The following PTPRE variants were observed in gnomAD, a reference collection of about 807,000 sequenced individuals.
The protein encoded by PTPRE is receptor-type tyrosine-protein phosphatase epsilon.
Under a neutral mutation model 102.0 loss-of-function variants are expected in PTPRE, and 51 were observed. The observed-to-expected ratio is 0.50, with a 90% CI of 0.40 to 0.63. The LOEUF is 0.63. Among genes scored for constraint, PTPRE ranks in the 30% least tolerant of loss-of-function variants. The pLI is 0.00. For missense variants in PTPRE, 752 were observed against 915.1 expected (o/e 0.82, Z 2.30); for synonymous variants, 345 against 348.2 (o/e 0.99, Z 0.10).
intron 2 of PTPRE, among the ~76,000 whole-genome samples, chr10:128,017,444 TTC>T (rs1845528887): frequency 6.6e-6 from 1 of 152,124 alleles, no homozygotes; most frequent in African/African-American, 2.4e-5. Flanking sequence ...AGAATTTTTT[TTC>T]TTTCTCACAG....
At position 127,971,620 on chromosome 10, in the gene PTPRE, C is replaced by A. The variant is rs560497318; in HGVS notation, c.-30-10654C>A. Among the ~76,000 whole-genome samples the A allele has an allele frequency of 5.3e-5, 8 of 152,364 alleles. No homozygotes were observed. In the East Asian group the frequency reaches 1.3e-3, roughly 26 times the overall value. Reference sequence around the variant, plus strand: ...TAAGGAAGGTCAGATGTGTGCCCATCCCGGCCTGCAGCGAGTGCTTGCCCC... The same window carrying A: ...TAAGGAAGGTCAGATGTGTGCCCATACCGGCCTGCAGCGAGTGCTTGCCCC... On this transcript the variant is annotated intron_variant, in intron 1 of 20. Transcript: ENST00000254667.
At chr10:127,979,791 T>A (rs939033609) in intron 1 of PTPRE, among the ~76,000 whole-genome samples, 4 of 152,244 alleles carry the variant, frequency 2.6e-5, no homozygotes, top group Non-Finnish European at 5.9e-5. Context: ...ATTGGTCTTT[T>A]CCCATGTGGT....
At chr10:128,021,645 A>C (rs1217350532) in intron 2 of PTPRE, among the ~76,000 whole-genome samples, 1 of 152,262 alleles carries the variant, frequency 6.6e-6, no homozygotes, top group Non-Finnish European at 1.5e-5. Context: ...ATGAGTGGTC[A>C]TGAAATTTCC....
At chr10:128,045,136 C>CAG (rs915049285) in intron 3 of PTPRE, among the ~76,000 whole-genome samples, 1 of 152,264 alleles carries the variant, frequency 6.6e-6, no homozygotes, top group Admixed American at 6.5e-5. Flanking sequence ...GCCTCCTGAA[C>CAG]AGAGGTAGCT....
intron 11 of PTPRE, 117 bp from the exon 12 acceptor site, chr10:128,068,006 C>T (rs1452497067): frequency 8.4e-7 from 1 of 1,188,698 alleles, no homozygotes; most frequent in African/African-American, 1.5e-5. Context: ...GTGGATGGGC[C>T]CCTCCCCTAC....
intron 2 of PTPRE, chr10:127,999,943 A>C (rs923139752): frequency 2.0e-6 from 2 of 985,360 alleles, no homozygotes; most frequent in African/African-American, 3.5e-5. Context: ...CCTAGGGGCT[A>C]CTGAGAACGC....
chr10:128,006,043 A>T (rs946359167), intron 2 of PTPRE, among the ~76,000 whole-genome samples: 1 of 152,184 alleles, frequency 6.6e-6, no homozygotes, highest in Non-Finnish European at 1.5e-5. Context: ...ACCCTAATCC[A>T]TGATGACCTC....
chr10:128,021,402 C>A (rs1442241908), intron 2 of PTPRE, among the ~76,000 whole-genome samples: 1 of 152,322 alleles, frequency 6.6e-6, no homozygotes, highest in Non-Finnish European at 1.5e-5. Context: ...GCCCCCCTCC[C>A]CGTGTTCAGG....
At chr10:128,033,738 G>T (rs1423324938) in intron 2 of PTPRE, among the ~76,000 whole-genome samples, 1 of 152,170 alleles carries the variant, frequency 6.6e-6, no homozygotes, top group Non-Finnish European at 1.5e-5. Flanking sequence ...TCCGCCTCCC[G>T]GGTTCAAGCG....
chr10:127,956,118 C>T (rs532959447), intron 1 of PTPRE, among the ~76,000 whole-genome samples: 1 of 152,264 alleles, frequency 6.6e-6, no homozygotes, highest in Admixed American at 6.5e-5. Context: ...TTATTATTAT[C>T]TTATCTGGAA....
At chr10:127,983,956 T>C (rs1851855840) in intron 2 of PTPRE, among the ~76,000 whole-genome samples, 1 of 152,126 alleles carries the variant, frequency 6.6e-6, no homozygotes, top group Non-Finnish European at 1.5e-5. Context: ...ACTGAACGTG[T>C]GTGCAGGAGC....
intron 2 of PTPRE, among the ~76,000 whole-genome samples, chr10:128,016,997 G>C (rs1845488492): frequency 6.6e-6 from 1 of 152,190 alleles, no homozygotes; most frequent in South Asian, 2.1e-4. Context: ...GGTGGAAGAT[G>C]AGGCACATCT....
At chr10:127,976,665 T>TG (rs952970762) in intron 1 of PTPRE, among the ~76,000 whole-genome samples, 8 of 152,198 alleles carry the variant, frequency 5.3e-5, no homozygotes, top group Non-Finnish European at 1.2e-4. Flanking sequence ...CTTTTCAAGG[T>TG]GGTTTAACGC....
rs187171911 is a variant in PTPRE at position 128,068,665 on chromosome 10, G to A, written c.1007+379G>A. 28 of 161,220 alleles carry A rather than the reference G, an allele frequency of 1.7e-4. No homozygotes were observed. The East Asian group carries it at 3.1e-3, about 18-fold the overall frequency. 10.0% of individuals were successfully genotyped at this position (161,220 alleles called of 1,614,324 possible). On this transcript the variant is annotated intron_variant, in intron 12 of 20. Coordinates refer to ENST00000254667, the MANE Select transcript of PTPRE (RefSeq NM_006504.6). ...GAAGCCCCCCAACAACACACAAGTC[G>A]TTATGGAAGAGCACACCATGCTCAG...
chr10:128,029,329 C>T (rs114346735), intron 2 of PTPRE, among the ~76,000 whole-genome samples: 4,498 of 152,280 alleles, frequency 0.03, 221 homozygotes, highest in African/African-American at 0.1. Flanking sequence ...GGTCCTGGCT[C>T]AGCACTATTG....
chr10:128,028,051 G>A lies in PTPRE; in HGVS notation c.-7-12824G>A, dbSNP rs1336485295. ...GGCTTCAGGGGAGGGTTCCGGCTTT[G>A]GCTGGGGGCGTGGGAGTCTCCAGAG... is the stretch of plus-strand genomic sequence containing the variant. On this transcript the variant is annotated intron_variant, in intron 2 of 20. Coordinates refer to ENST00000254667, the MANE Select transcript of PTPRE (RefSeq NM_006504.6). This position sits in a 1 kb window ranked among gnomAD's most constrained non-coding sequence, Gnocchi z 4.5. Among the ~76,000 whole-genome samples, 1 of 152,258 alleles carries A rather than the reference G, an allele frequency of 6.6e-6. No individual in the cohort carries two copies. Among genetic ancestry groups the A allele is most frequent in the African/African-American group, 2.4e-5 (1 of 41,468 alleles).
chr10:128,069,632 C>T (rs1850586619), intron 12 of PTPRE, 60 bp from the exon 13 acceptor site: 2 of 1,601,412 alleles, frequency 1.2e-6, no homozygotes, highest in Non-Finnish European at 1.7e-6. Flanking sequence ...CCTTCGGGGC[C>T]TTTCATTTAC....
intron 1 of PTPRE, among the ~76,000 whole-genome samples, chr10:127,962,555 G>A (rs1239337044): frequency 6.6e-6 from 1 of 152,180 alleles, no homozygotes; most frequent in East Asian, 1.9e-4. Flanking sequence ...CATGGGCTCT[G>A]CAGGGCGGGG....
At chr10:127,954,286 A>G (rs552417734) in intron 1 of PTPRE, among the ~76,000 whole-genome samples, 1 of 152,312 alleles carries the variant, frequency 6.6e-6, no homozygotes, top group East Asian at 1.9e-4. Context: ...TGCCTGCTGC[A>G]GAGATCAACA....
Sources: gnomAD v4.1 joint callset for allele counts (sites outside exome capture counted in the v4.1 genomes callset) on GRCh38, gnomAD v4.1.1 for gene constraint, Gnocchi (gnomAD v3.1) non-coding constraint, MANE v1.5 for transcripts, NCBI Gene and HGNC (gene_info 2026-07-23, HGNC 2026-07-21) for gene names.